Variants in VAT1L observed in about 807,000 individuals in gnomAD.
VAT1L encodes the protein vesicle amine transport 1 like, also known as putative NADPH-dependent quinone oxidoreductase VAT1L.
In VAT1L, 34 loss-of-function variants were observed where a neutral mutation model predicts 44.1. The observed-to-expected ratio is 0.77, with a 90% CI of 0.59 to 1.03. The LOEUF is 1.03. VAT1L is among the 50% of genes least tolerant of loss of function. The pLI, the probability that VAT1L is intolerant of heterozygous loss-of-function variation, is 0.00. For missense variants in VAT1L, 615 were observed against 538.8 expected (o/e 1.14, Z -1.40); for synonymous variants, 253 against 202.2 (o/e 1.25, Z -2.13).
At chr16:77,921,984 G>A (rs1169406314) in intron 7 of VAT1L, among the ~76,000 whole-genome samples, 1 of 152,114 alleles carries the variant, frequency 6.6e-6, no homozygotes, top group Non-Finnish European at 1.5e-5. Context: ...CTGGGCTCAA[G>A]CAATTCTCTT....
chr16:77,962,352 ACTTTG>A (rs1479284469), intron 7 of VAT1L, among the ~76,000 whole-genome samples: 1 of 152,034 alleles, frequency 6.6e-6, no homozygotes, highest in Non-Finnish European at 1.5e-5. Flanking sequence ...GTTGGGGGAG[ACTTTG>A]CTTTGCATGG....
intron 7 of VAT1L, among the ~76,000 whole-genome samples, chr16:77,957,736 TAAATA>T (rs1381734128): frequency 2.7e-5 from 4 of 149,190 alleles, no homozygotes; most frequent in Non-Finnish European, 5.9e-5. Context: ...AAAAATAAAA[TAAATA>T]AAACAATTAT....
chr16:77,914,168 T>C lies in VAT1L; in HGVS notation c.1077+29366T>C, dbSNP rs556484812. On this transcript the variant is annotated intron_variant, in intron 7 of 8. Coordinates refer to ENST00000302536, the MANE Select transcript of VAT1L (RefSeq NM_020927.3). ...GAGCCAATTGTTAAATAATCAGGAA[T>C]TTTGTGAGCCAGTCATTCAACAAAA... Among the ~76,000 whole-genome samples, 3 of 152,314 alleles carry C rather than the reference T, an allele frequency of 2.0e-5. No homozygotes were observed. In the East Asian group the frequency reaches 5.8e-4, roughly 29 times the overall value.
intron 4 of VAT1L, among the ~76,000 whole-genome samples, chr16:77,868,717 C>T (rs576269568): frequency 6.9e-4 from 105 of 152,100 alleles, no homozygotes; most frequent in Non-Finnish European, 1.4e-3. Flanking sequence ...TGTATTAAAG[C>T]ATGTGGTTTT....
intron 3 of VAT1L, among the ~76,000 whole-genome samples, chr16:77,860,349 A>G (rs2016903484): frequency 6.6e-6 from 1 of 151,550 alleles, no homozygotes; most frequent in Non-Finnish European, 1.5e-5. Context: ...TGGGACAGCC[A>G]GGTGGAGACA....
chr16:77,925,489 G>A (rs1203055226), intron 7 of VAT1L, among the ~76,000 whole-genome samples: 1 of 152,134 alleles, frequency 6.6e-6, no homozygotes, highest in African/African-American at 2.4e-5. Flanking sequence ...GTCCATATAT[G>A]CAATGGCGCT....
intron 1 of VAT1L, among the ~76,000 whole-genome samples, chr16:77,805,943 A>G (rs2016150843): frequency 7.1e-6 from 1 of 141,810 alleles, no homozygotes; most frequent in African/African-American, 2.6e-5. Context: ...GATCACTGCA[A>G]CCACCACCTC....
At chr16:77,880,213 G>A (rs573079794) in intron 6 of VAT1L, among the ~76,000 whole-genome samples, 26 of 152,198 alleles carry the variant, frequency 1.7e-4, no homozygotes, top group East Asian at 3.9e-4. Flanking sequence ...TTGGAGTGCC[G>A]TGGCATGGTC....
intron 6 of VAT1L, among the ~76,000 whole-genome samples, chr16:77,880,645 C>T: frequency 8.6e-6 from 1 of 115,842 alleles, no homozygotes; most frequent in South Asian, 3.0e-4. Flanking sequence ...TCAGGAGGTA[C>T]CTGTGCAGGT....
intron 7 of VAT1L, among the ~76,000 whole-genome samples, chr16:77,893,361 A>G (rs1478936011): frequency 6.6e-6 from 1 of 152,258 alleles, no homozygotes; most frequent in African/African-American, 2.4e-5. Flanking sequence ...AGAGTCAGCA[A>G]TGACCAAGGG....
At chr16:77,948,241 G>C (rs1349453111) in intron 7 of VAT1L, among the ~76,000 whole-genome samples, 2 of 152,184 alleles carry the variant, frequency 1.3e-5, no homozygotes, top group African/African-American at 4.8e-5. Flanking sequence ...GAGGCTGCAT[G>C]TGCTCATCTC....
chr16:77,937,540 T>C (rs550407553), intron 7 of VAT1L, among the ~76,000 whole-genome samples: 2 of 152,376 alleles, frequency 1.3e-5, no homozygotes, highest in African/African-American at 4.8e-5. Flanking sequence ...TACTATTTGC[T>C]CTTTCTGGCT....
At chr16:77,852,634 G>T (rs902675773) in intron 3 of VAT1L, among the ~76,000 whole-genome samples, 1 of 152,310 alleles carries the variant, frequency 6.6e-6, no homozygotes, top group South Asian at 2.1e-4. Flanking sequence ...ATGGCAATAT[G>T]ATGTTGGGTG....
chr16:77,906,411 A>G (rs539966232), intron 7 of VAT1L, among the ~76,000 whole-genome samples: 7 of 152,322 alleles, frequency 4.6e-5, no homozygotes, highest in Non-Finnish European at 1.0e-4. Flanking sequence ...TGTGACTTGC[A>G]CAATAGGACA....
Position 77,939,394 on chromosome 16 carries a change from G to A in VAT1L, c.1078-32456G>A, listed in dbSNP as rs545156965. Among the ~76,000 whole-genome samples the A allele has an allele frequency of 1.8e-4, 27 of 152,294 alleles. 1 individual carries two copies. The highest frequency in any genetic ancestry group is 5.3e-4 in the African/African-American group (22 of 41,558). On this transcript the variant is annotated intron_variant, in intron 7 of 8. Coordinates refer to ENST00000302536, the MANE Select transcript of VAT1L (RefSeq NM_020927.3). ...CAAACCAGTGGGGGGCCGGAGGCGG[G>A]CGGGGTGGGGACGGTGGGAGTAGTT...
At chr16:77,871,906 G>T (rs1240222038) in intron 4 of VAT1L, among the ~76,000 whole-genome samples, 1 of 152,132 alleles carries the variant, frequency 6.6e-6, no homozygotes, top group Non-Finnish European at 1.5e-5. Context: ...GAGGTTTTGC[G>T]TACTCTTTCT....
intron 5 of VAT1L, among the ~76,000 whole-genome samples, chr16:77,878,851 A>G (rs905694430): frequency 1.1e-4 from 17 of 152,238 alleles, no homozygotes; most frequent in African/African-American, 3.9e-4. Context: ...CTCAAAGAAC[A>G]GACCTAAAAA....
intron 7 of VAT1L, among the ~76,000 whole-genome samples, chr16:77,971,064 G>A (rs13339602): frequency 0.036 from 5,463 of 151,872 alleles, 324 homozygotes; most frequent in African/African-American, 0.13. Flanking sequence ...ATTTCATTGA[G>A]ATGTGGAGCA....
intron 1 of VAT1L, among the ~76,000 whole-genome samples, chr16:77,796,722 G>A (rs573963519): frequency 5.5e-4 from 84 of 152,312 alleles, no homozygotes; most frequent in Non-Finnish European, 1.1e-3. Flanking sequence ...GACATGAATT[G>A]CCATCTCTTG....
Sources: allele counts gnomAD v4.1 joint callset (sites outside exome capture counted in the v4.1 genomes callset), GRCh38; gene constraint gnomAD v4.1.1; transcripts MANE v1.5; gene names NCBI Gene and HGNC (gene_info 2026-07-23, HGNC 2026-07-21).